The following CDH23 variants were observed in gnomAD, a reference collection of about 807,000 sequenced individuals.
CDH23 encodes the protein cadherin-23.
In CDH23, 189 loss-of-function variants were observed where a neutral mutation model predicts 317.1. The observed-to-expected ratio is 0.60, with a 90% CI of 0.53 to 0.67. The LOEUF (loss-of-function observed/expected upper bound fraction) is 0.67, where lower values mean the gene tolerates loss of function less well. Ranked by LOEUF, CDH23 falls within the 30% of genes least tolerant of loss-of-function variation. The pLI, the probability that CDH23 is intolerant of heterozygous loss-of-function variation, is 0.00. For missense variants in CDH23, 4,401 were observed against 4,592.4 expected (o/e 0.96, Z 1.20); for synonymous variants, 1,839 against 1,876.8 (o/e 0.98, Z 0.52).
At chr10:71,683,653 C>T (rs1025611801) in intron 18 of CDH23, among the ~76,000 whole-genome samples, 2 of 151,998 alleles carry the variant, frequency 1.3e-5, no homozygotes, top group African/African-American at 4.8e-5. Context: ...TTAGGGGGGG[C>T]CAGGAGGATG....
intron 3 of CDH23, among the ~76,000 whole-genome samples, chr10:71,493,258 C>A (rs990002884): frequency 6.6e-6 from 1 of 152,166 alleles, no homozygotes; most frequent in Non-Finnish European, 1.5e-5. Context: ...CTGCCCCTGA[C>A]CTGCCACCCT....
At chr10:71,534,798 C>G (rs1269941962) in intron 6 of CDH23, among the ~76,000 whole-genome samples, 1 of 152,224 alleles carries the variant, frequency 6.6e-6, no homozygotes, top group African/African-American at 2.4e-5. Context: ...GACATTGGCA[C>G]AGCCCCAAAG....
chr10:71,722,080 C>G lies in CDH23; in HGVS notation c.3370-1965C>G, dbSNP rs1331116973. Among the ~76,000 whole-genome samples the G allele has an allele frequency of 2.0e-5, 3 of 152,134 alleles. No individual in the cohort carries two copies. In the East Asian group the frequency reaches 5.8e-4, roughly 29 times the overall value. ...TCCCCATCTTCTCTGCAGTTTTGTC[C>G]AGTGAGCAACGATAGGAAAGCCTAC... is the stretch of plus-strand genomic sequence containing the variant. On this transcript the variant is annotated intron_variant, in intron 28 of 69. Transcript: ENST00000224721.
chr10:71,666,698 T>G (rs1260546520), intron 14 of CDH23, among the ~76,000 whole-genome samples: 1 of 152,100 alleles, frequency 6.6e-6, no homozygotes, highest in African/African-American at 2.4e-5. Flanking sequence ...TCCACAGCAC[T>G]ATGGGAGGGA....
At chr10:71,543,586 AT>A (rs991485323) in intron 6 of CDH23, among the ~76,000 whole-genome samples, 22 of 152,012 alleles carry the variant, frequency 1.4e-4, no homozygotes, top group Non-Finnish European at 3.1e-4. Context: ...GAAGTCAACC[AT>A]TTTTTTTCCA....
chr10:71,755,262 G>T, intron 38 of CDH23: 2 of 1,068,670 alleles, frequency 1.9e-6, no homozygotes, highest in Non-Finnish European at 2.7e-6. Context: ...AAGGAATTGT[G>T]CCTGCATCGT....
intron 1 of CDH23, among the ~76,000 whole-genome samples, chr10:71,400,175 G>A (rs1472539726): frequency 1.3e-5 from 2 of 152,228 alleles, no homozygotes; most frequent in East Asian, 1.9e-4. Context: ...ATGGTGGCAA[G>A]TTATACCCCT....
chr10:71,785,175 C>T, intron 43 of CDH23, 75 bp downstream of exon 43: 2 of 1,263,906 alleles, frequency 1.6e-6, no homozygotes, highest in Non-Finnish European at 2.2e-6. Flanking sequence ...AGAGGCTTTT[C>T]TGCTGCCACC....
intron 3 of CDH23, among the ~76,000 whole-genome samples, chr10:71,493,312 T>G (rs116312777): frequency 0.017 from 2,591 of 152,232 alleles, 59 homozygotes; most frequent in African/African-American, 0.054. Context: ...AGGTGGTGAC[T>G]TGCAAGCTGG....
intron 8 of CDH23, among the ~76,000 whole-genome samples, chr10:71,575,926 T>A (rs771475265): frequency 3.9e-5 from 6 of 152,244 alleles, no homozygotes; most frequent in African/African-American, 1.4e-4. Context: ...AGTGGATTTA[T>A]TTACCCAAAA....
intron 43 of CDH23, 43 bp downstream of exon 43, chr10:71,785,143 G>T (rs762037037): frequency 6.5e-6 from 10 of 1,537,700 alleles, no homozygotes; most frequent in Middle Eastern, 1.7e-4. Context: ...AGGGTTTCCA[G>T]TGAAAAAGAG....
rs758191005 is a variant in CDH23, at chr10:71,805,859, G to A, written c.7926G>A (p.Glu2642=). ...VYEVYATDKD[E]GLNGAVRYSF... The stretch of plus-strand genomic sequence containing the variant: ...AGGTCTACGCCACGGACAAGGATGA[G>A]GGCCTCAACGGGGCGGTGCGCTACA... Residue 2642 remains glutamate, a synonymous_variant, in exon 56 of 70, where the codon GAG becomes GAA. Transcript: ENST00000224721. 9.9e-6 allele frequency: 16 copies of A among 1,613,676 alleles called. No homozygotes were observed. The Admixed American group carries it at 2.0e-4, about 20-fold the overall frequency.
intron 6 of CDH23, among the ~76,000 whole-genome samples, chr10:71,549,200 C>T (rs530785343): frequency 1.6e-4 from 24 of 152,356 alleles, no homozygotes; most frequent in African/African-American, 5.8e-4. Context: ...GAGCAGAGGG[C>T]AGGTCACTGG....
intron 35 of CDH23, 124 bp downstream of exon 35, chr10:71,738,771 C>T (rs1265993514): frequency 1.7e-6 from 2 of 1,202,380 alleles, no homozygotes; most frequent in Non-Finnish European, 2.3e-6. Context: ...GTCTCTGCCC[C>T]TGCAATCACC....
rs1270864248 is a variant in CDH23, at chr10:71,815,133, G to T, written c.9920G>T (p.Gly3307Val). ...AGCCTGCCCGAGGAAGACCAGAAGG[G>T]CCTGGGCCGCTCGCTGGAGACGCTG... ...LNSLPEEDQK[G>V]LGRSLETLTA... Residue 3307 changes from glycine (G) to valine (V), a missense_variant, in exon 70 of 70, where the codon GGC becomes GTC. This residue lies in a region of CDH23 where 1,144 missense variants were observed against 1,138.2 expected (regional missense o/e 1.01). Coordinates refer to ENST00000224721, the MANE Select transcript of CDH23 (RefSeq NM_022124.6). The T allele has an allele frequency of 1.1e-5, 17 of 1,611,230 alleles. No homozygotes were observed. The highest frequency in any genetic ancestry group is 1.4e-5 in the Non-Finnish European group (17 of 1,179,068).
intron 30 of CDH23, among the ~76,000 whole-genome samples, chr10:71,728,757 A>C (rs527804212): frequency 6.6e-6 from 1 of 152,168 alleles, no homozygotes; most frequent in East Asian, 1.9e-4. Context: ...GGGCCAGCTC[A>C]CCCCAGCATA....
chr10:71,434,342 A>T (rs1299459705), intron 1 of CDH23, among the ~76,000 whole-genome samples: 1 of 152,186 alleles, frequency 6.6e-6, no homozygotes, highest in Non-Finnish European at 1.5e-5. Context: ...CAGCTCCCCC[A>T]GGGTGCGGGC....
intron 1 of CDH23, among the ~76,000 whole-genome samples, chr10:71,419,301 G>GA (rs764919646): frequency 6.6e-6 from 1 of 152,188 alleles, no homozygotes; most frequent in East Asian, 1.9e-4. Flanking sequence ...CCTTGAGGGG[G>GA]AATGGAGCAA....
chr10:71,658,724 C>G (rs1210876703), intron 14 of CDH23, among the ~76,000 whole-genome samples: 1 of 152,096 alleles, frequency 6.6e-6, no homozygotes, highest in Non-Finnish European at 1.5e-5. Context: ...GCGGCGTGTC[C>G]CAGGCCAGCC....
Sources: allele counts gnomAD v4.1 joint callset (sites outside exome capture counted in the v4.1 genomes callset), GRCh38; gene constraint gnomAD v4.1.1; regional missense constraint gnomAD v4.1.1; transcripts MANE v1.5; gene names NCBI Gene and HGNC (gene_info 2026-07-23, HGNC 2026-07-21).